The following CHD9 variants were observed in gnomAD, a reference collection of about 807,000 sequenced individuals.
The protein encoded by CHD9 is chromodomain helicase DNA binding protein 9, also known as ATP-dependent chromatin remodeler CHD9.
CHD9 carries 77 observed loss-of-function variants against 316.1 expected under a neutral mutation model. The observed-to-expected ratio is 0.24, with a 90% CI of 0.20 to 0.29. The LOEUF (loss-of-function observed/expected upper bound fraction) is 0.29, where lower values mean the gene tolerates loss of function less well. Ranked by LOEUF, CHD9 falls within the 10% of genes least tolerant of loss-of-function variation. The pLI is 1.00. For synonymous variants in CHD9, 1,129 were observed against 1,158.3 expected, an observed-to-expected ratio of 0.97 and a Z score of 0.51; for missense variants, 2,763 against 3,438.1, an observed-to-expected ratio of 0.80 and a Z score of 4.91.
intron 19 of CHD9, among the ~76,000 whole-genome samples, chr16:53,260,186 T>C (rs1280805954): frequency 6.6e-6 from 1 of 152,134 alleles, no homozygotes; most frequent in Non-Finnish European, 1.5e-5. Flanking sequence ...TTCTTTCAAG[T>C]TGGATATGAA....
intron 1 of CHD9, among the ~76,000 whole-genome samples, chr16:53,107,208 C>A (rs2037425988): frequency 6.6e-6 from 1 of 150,822 alleles, no homozygotes; most frequent in East Asian, 2.0e-4. Context: ...GCCTGTAATC[C>A]CAGCACTTCG....
intron 1 of CHD9, among the ~76,000 whole-genome samples, chr16:53,135,627 A>G (rs2039658163): frequency 6.6e-6 from 1 of 152,152 alleles, no homozygotes; most frequent in Admixed American, 6.5e-5. Context: ...GGGAAAGGAA[A>G]GATTTGGCAA....
At chr16:53,148,908 C>T (rs2040861070) in intron 1 of CHD9, among the ~76,000 whole-genome samples, 1 of 152,184 alleles carries the variant, frequency 6.6e-6, no homozygotes, top group Non-Finnish European at 1.5e-5. Flanking sequence ...ACAGGTATAA[C>T]TTGCCCTCAG....
chr16:53,327,109 T>G lies in CHD9; in HGVS notation c.*2214T>G, dbSNP rs1701780573. ...TTTAATATTCATTGGGGAAAAGTTG[T>G]CCAGCTATCAGCTAAGAAAACACAT... On this transcript the variant is annotated 3_prime_UTR_variant, in exon 39 of 39. Transcript: ENST00000447540. 1 of 152,444 alleles carries G rather than the reference T, an allele frequency of 6.6e-6. No individual in the cohort carries two copies. Among genetic ancestry groups the G allele is most frequent in the Non-Finnish European group, 1.5e-5 (1 of 67,946 alleles). 9.4% of individuals were successfully genotyped at this position (152,444 alleles called of 1,614,324 possible). A position where few individuals can be genotyped will look rare whatever the true frequency, so the allele number is the denominator to read the frequency against.
chr16:53,058,014 AG>A (rs1394808504), intron 1 of CHD9, among the ~76,000 whole-genome samples: 2 of 152,242 alleles, frequency 1.3e-5, no homozygotes, highest in Admixed American at 6.5e-5. Flanking sequence ...CTTGTCTGTT[AG>A]GTAAGCTTCG....
chr16:53,267,622 A>G, intron 21 of CHD9, 132 bp downstream of exon 21: 1 of 674,734 alleles, frequency 1.5e-6, no homozygotes, highest in Non-Finnish European at 2.4e-6. Context: ...CTCTATTTTT[A>G]GCATATATTT....
chr16:53,304,368 C>A lies in CHD9; in HGVS notation c.6362C>A (p.Pro2121Gln). 6.2e-7 allele frequency: 1 copy of A among 1,613,292 alleles called. No individual in the cohort carries two copies. Among genetic ancestry groups the A allele is most frequent in the Non-Finnish European group, 8.5e-7 (1 of 1,179,768 alleles). The part of the protein sequence containing the change: ...PLTPNPASKK[P>Q]RVHKRGSESS... ...ACTCCAAACCCAGCTTCTAAGAAAC[C>A]AAGAGTCCACAAAAGGGGATCAGAA... Residue 2121 changes from proline (P) to glutamine (Q), a missense_variant, in exon 31 of 39, where the codon CCA (proline) becomes CAA (glutamine). Around this residue, in one of 15 missense-constraint regions of CHD9, gnomAD observed 663 missense variants for 751.2 expected, o/e 0.88. Transcript: ENST00000447540.
At chr16:53,301,028 G>A (rs1043279394) in intron 30 of CHD9, among the ~76,000 whole-genome samples, 2 of 152,004 alleles carry the variant, frequency 1.3e-5, no homozygotes, top group African/African-American at 2.4e-5. Flanking sequence ...AGCCAAGATC[G>A]CACCATTGCA....
At chr16:53,125,323 A>C (rs2038926501) in intron 1 of CHD9, among the ~76,000 whole-genome samples, 1 of 147,692 alleles carries the variant, frequency 6.8e-6, no homozygotes, top group Non-Finnish European at 1.5e-5. Context: ...TCCTGGGTTC[A>C]AGCAATTCCC....
intron 24 of CHD9, among the ~76,000 whole-genome samples, chr16:53,278,222 T>C (rs2053052258): frequency 6.6e-6 from 1 of 152,102 alleles, no homozygotes; most frequent in South Asian, 2.1e-4. Context: ...CCTATCAAAA[T>C]ACCACCATCA....
chr16:53,223,250 CCT>C (rs2047389505), intron 4 of CHD9, among the ~76,000 whole-genome samples: 1 of 119,400 alleles, frequency 8.4e-6, no homozygotes, highest in Non-Finnish European at 1.7e-5. Context: ...ATGCATTTTG[CCT>C]TTTTTTTTTT....
chr16:53,259,302 TATTTA>T (rs1313526319), intron 19 of CHD9, among the ~76,000 whole-genome samples: 1 of 152,232 alleles, frequency 6.6e-6, no homozygotes, highest in Admixed American at 6.5e-5. Context: ...GTAACAAAGC[TATTTA>T]ATTCTGAAAT....
At chr16:53,075,824 TTGAGGACC>T (rs1423523953) in intron 1 of CHD9, among the ~76,000 whole-genome samples, 2 of 152,202 alleles carry the variant, frequency 1.3e-5, no homozygotes, top group Non-Finnish European at 2.9e-5. Flanking sequence ...TTTTAATCTT[TTGAGGACC>T]TGACGTACTG....
rs780079485 is a variant in CHD9 at position 53,308,869 on chromosome 16, A to T, written c.7222+15A>T. 1.3e-6 allele frequency: 2 copies of T among 1,583,892 alleles called. No individual in the cohort carries two copies. Among genetic ancestry groups the T allele is most frequent in the Non-Finnish European group, 1.7e-6 (2 of 1,157,330 alleles). ...ACCAGTATCAGGTGAATATGCAAGT[A>T]ATAATTGTCTTACTATGAAATATTT... On this transcript the variant is annotated intron_variant, in intron 34 of 38. Transcript: ENST00000447540.
At chr16:53,221,072 C>A (rs2047194736) in intron 3 of CHD9, among the ~76,000 whole-genome samples, 1 of 152,162 alleles carries the variant, frequency 6.6e-6, no homozygotes, top group Non-Finnish European at 1.5e-5. Flanking sequence ...AGGTTAGGAA[C>A]TGTGTCACTA....
Position 53,284,354 on chromosome 16 carries a change from T to C in CHD9, c.4968-1242T>C, listed in dbSNP as rs1176580464. Among the ~76,000 whole-genome samples, 4 of 148,268 alleles carry C rather than the reference T, an allele frequency of 2.7e-5. No homozygotes were observed. The East Asian group carries it at 7.7e-4, about 29-fold the overall frequency. Reference sequence around the variant, plus strand: ...ATATAAGAAAATGTGTGTGTGTGTATATATATATATAATATACATATTTGT... The same window carrying C: ...ATATAAGAAAATGTGTGTGTGTGTACATATATATATAATATACATATTTGT... On this transcript the variant is annotated intron_variant, in intron 24 of 38. Coordinates refer to ENST00000447540, the MANE Select transcript of CHD9 (RefSeq NM_001308319.2).
chr16:53,305,347 C>T (rs1889723605), intron 31 of CHD9, among the ~76,000 whole-genome samples: 1 of 152,202 alleles, frequency 6.6e-6, no homozygotes, highest in Non-Finnish European at 1.5e-5. Flanking sequence ...AGGCATAAGC[C>T]ACCACACCTG....
intron 1 of CHD9, among the ~76,000 whole-genome samples, chr16:53,055,345 G>A (rs527507943): frequency 1.1e-4 from 16 of 152,298 alleles, no homozygotes; most frequent in Admixed American, 7.2e-4. Flanking sequence ...GGGCGTCCTC[G>A]AAGCGGAAAG....
Position 53,324,296 on chromosome 16 carries a change from C to T in CHD9, c.8095C>T (p.Pro2699Ser). The change falls in exon 39 of 39, where the codon CCT becomes TCT. Residue 2699 changes from proline (P) to serine (S), a missense_variant. This residue lies in a region of CHD9 where 298 missense variants were observed against 380.2 expected (regional missense o/e 0.78). Transcript: ENST00000447540. ...AGLMGMPTGL[P>S]SGGEAKNMAA... is the part of the protein sequence containing the mutation. ...GTTGATGGGAATGCCTACCGGCCTT[C>T]CTTCTGGAGGAGAAGCTAAAAACAT... is the stretch of plus-strand genomic sequence containing the variant. 6.2e-7 allele frequency: 1 copy of T among 1,613,988 alleles called. No individual in the cohort carries two copies. The highest frequency in any genetic ancestry group is 8.5e-7 in the Non-Finnish European group (1 of 1,179,876).
Sources: allele counts gnomAD v4.1 joint callset (sites outside exome capture counted in the v4.1 genomes callset), GRCh38; gene constraint gnomAD v4.1.1; regional missense constraint gnomAD v4.1.1; transcripts MANE v1.5; gene names NCBI Gene and HGNC (gene_info 2026-07-23, HGNC 2026-07-21).